GALNTL6: variants seen among roughly 807,000 people sequenced by gnomAD.
GALNTL6 encodes the protein polypeptide N-acetylgalactosaminyltransferase-like 6.
GALNTL6 carries 46 observed loss-of-function variants against 73.7 expected under a neutral mutation model. That is an observed-to-expected ratio of 0.62 (90% CI 0.49 to 0.80). The LOEUF is 0.80. Ranked by LOEUF, GALNTL6 falls within the 30% of genes least tolerant of loss-of-function variation. The pLI is 0.00. For synonymous variants in GALNTL6, 259 were observed against 263.7 expected (o/e 0.98, Z 0.17); for missense variants, 604 against 755.0 (o/e 0.80, Z 2.34).
At chr4:172,220,862 A>G (rs1337250940) in intron 2 of GALNTL6, among the ~76,000 whole-genome samples, 1 of 151,856 alleles carries the variant, frequency 6.6e-6, no homozygotes, top group Non-Finnish European at 1.5e-5. Flanking sequence ...TCTTATCTAC[A>G]TTTGTGCACA....
chr4:172,597,242 C>T (rs1737889495), intron 5 of GALNTL6, among the ~76,000 whole-genome samples: 1 of 152,126 alleles, frequency 6.6e-6, no homozygotes. Context: ...TGCCTCAGTT[C>T]TCTGCACGCC....
intron 2 of GALNTL6, among the ~76,000 whole-genome samples, chr4:172,211,957 T>C (rs836313): frequency 6.6e-6 from 1 of 151,980 alleles, no homozygotes; most frequent in African/African-American, 2.4e-5. Context: ...CATATGAATT[T>C]TTGGGGAAAG....
At chr4:171,847,820 A>C (rs892428182) in intron 2 of GALNTL6, among the ~76,000 whole-genome samples, 2 of 152,130 alleles carry the variant, frequency 1.3e-5, no homozygotes, top group African/African-American at 4.8e-5. Flanking sequence ...TATTTCCATG[A>C]CAAATGTAGT....
chr4:172,557,665 A>G (rs1579186748), intron 5 of GALNTL6, among the ~76,000 whole-genome samples: 1 of 152,210 alleles, frequency 6.6e-6, no homozygotes, highest in Non-Finnish European at 1.5e-5. Flanking sequence ...TCGTCATGAA[A>G]TGGGAAATTA....
intron 5 of GALNTL6, among the ~76,000 whole-genome samples, chr4:172,677,427 C>T (rs545852111): frequency 1.3e-5 from 2 of 152,206 alleles, no homozygotes; most frequent in East Asian, 3.9e-4. Flanking sequence ...GGAGAAATGC[C>T]TTTAGCAATT....
chr4:172,983,314 T>C (rs1751154468), intron 10 of GALNTL6, among the ~76,000 whole-genome samples: 1 of 152,148 alleles, frequency 6.6e-6, no homozygotes, highest in Non-Finnish European at 1.5e-5. Flanking sequence ...CCTCCAAAAC[T>C]GTGAGATAAT....
At position 172,603,529 on chromosome 4, in the gene GALNTL6, G is replaced by A. The variant is rs187359418; in HGVS notation, c.554-205832G>A. On this transcript the variant is annotated intron_variant, in intron 5 of 12. Coordinates refer to ENST00000506823, the MANE Select transcript of GALNTL6 (RefSeq NM_001034845.3). ...TCTCTGTAATATCACAAATAAATAA[G>A]CAATAATAAAAACAAATATGAAAAT... Among the ~76,000 whole-genome samples the A allele has an allele frequency of 5.5e-3, 830 of 151,934 alleles. 7 individuals carry two copies. The highest frequency in any genetic ancestry group is 9.4e-3 in the Non-Finnish European group (640 of 67,966).
intron 2 of GALNTL6, among the ~76,000 whole-genome samples, chr4:172,082,914 C>T (rs1169537932): frequency 6.6e-6 from 1 of 151,958 alleles, no homozygotes; most frequent in African/African-American, 2.4e-5. Context: ...TTTTGAGACC[C>T]TTAATCTCCT....
At chr4:172,918,283 T>C (rs1038176815) in intron 8 of GALNTL6, among the ~76,000 whole-genome samples, 5 of 152,038 alleles carry the variant, frequency 3.3e-5, no homozygotes, top group Non-Finnish European at 4.4e-5. Context: ...AAATACCTAA[T>C]GTAAATGATG....
intron 2 of GALNTL6, among the ~76,000 whole-genome samples, chr4:171,921,980 ATGGT>A (rs1232191816): frequency 6.6e-6 from 1 of 152,008 alleles, no homozygotes; most frequent in Non-Finnish European, 1.5e-5. Context: ...CATCATTTTT[ATGGT>A]TGTCCAAAAG....
At chr4:172,331,879 A>G (rs1049584058) in intron 4 of GALNTL6, among the ~76,000 whole-genome samples, 1 of 152,206 alleles carries the variant, frequency 6.6e-6, no homozygotes, top group Non-Finnish European at 1.5e-5. Context: ...TACTTTTGAT[A>G]AATCCCCAAA....
chr4:173,037,933 G>A (rs1042883197), intron 12 of GALNTL6, among the ~76,000 whole-genome samples: 3 of 152,114 alleles, frequency 2.0e-5, no homozygotes, highest in African/African-American at 7.2e-5. Context: ...ATTAGAGACG[G>A]GGTTTCACCA....
At chr4:172,581,617 A>G (rs1051734941) in intron 5 of GALNTL6, among the ~76,000 whole-genome samples, 1 of 152,056 alleles carries the variant, frequency 6.6e-6, no homozygotes, top group Non-Finnish European at 1.5e-5. Context: ...ACCCAACCAC[A>G]TGTCACCCAA....
At chr4:172,920,607 T>C (rs564363655) in intron 8 of GALNTL6, among the ~76,000 whole-genome samples, 2 of 152,370 alleles carry the variant, frequency 1.3e-5, no homozygotes, top group East Asian at 3.9e-4. Context: ...TAGAGAGTGC[T>C]GTATTTTTAA....
chr4:171,824,077 T>TTTTATATATATATATATATA (rs1301842709), intron 2 of GALNTL6, among the ~76,000 whole-genome samples: 39 of 129,188 alleles, frequency 3.0e-4, no homozygotes, highest in Middle Eastern at 4.4e-3. Context: ...CAAATCCATT[T>TTTTATATATATATATATATA]TATATATATA....
intron 2 of GALNTL6, among the ~76,000 whole-genome samples, chr4:172,062,697 A>T (rs33945198): frequency 0.33 from 50,679 of 152,160 alleles, 9,187 homozygotes; most frequent in South Asian, 0.54. Flanking sequence ...AGATACAACC[A>T]CATTTTTCAT....
rs899455664 is a variant in GALNTL6 at position 172,200,510 on chromosome 4, A to G, written c.139-29146A>G. Reference sequence around the variant, plus strand: ...GAATGAAACAAACAAGTGGCACCAGAAAATATTGCCTGCATAATCCATTGT... The same window carrying G: ...GAATGAAACAAACAAGTGGCACCAGGAAATATTGCCTGCATAATCCATTGT... On this transcript the variant is annotated intron_variant, in intron 2 of 12. Coordinates refer to ENST00000506823, the MANE Select transcript of GALNTL6 (RefSeq NM_001034845.3). 2.0e-4 allele frequency among the ~76,000 whole-genome samples: 30 copies of G among 152,368 alleles called. 1 individual carries two copies. In the East Asian group the frequency reaches 5.6e-3, roughly 28 times the overall value.
intron 5 of GALNTL6, among the ~76,000 whole-genome samples, chr4:172,761,123 T>C (rs1478463025): frequency 6.6e-6 from 1 of 152,186 alleles, no homozygotes; most frequent in East Asian, 1.9e-4. Context: ...ACAATGATGT[T>C]GTCCCTTCTA....
At chr4:172,349,926 A>G (rs979017795) in intron 5 of GALNTL6, among the ~76,000 whole-genome samples, 2 of 151,880 alleles carry the variant, frequency 1.3e-5, no homozygotes, top group South Asian at 4.1e-4. Flanking sequence ...GTAGGCATGC[A>G]TTTAATACTA....
Sources: gnomAD v4.1 joint callset for allele counts (sites outside exome capture counted in the v4.1 genomes callset) on GRCh38, gnomAD v4.1.1 for gene constraint, MANE v1.5 for transcripts, NCBI Gene and HGNC (gene_info 2026-07-23, HGNC 2026-07-21) for gene names.